HLA-DQA2: variants seen among roughly 807,000 people sequenced by gnomAD.
HLA-DQA2 encodes HLA class II histocompatibility antigen, DQ alpha 2 chain.
A neutral mutation model predicts 21.0 loss-of-function variants in HLA-DQA2; 17 were observed. The ratio of observed to expected loss-of-function variants is 0.81; its 90% CI spans 0.56 to 1.22. The LOEUF is 1.22. HLA-DQA2 is among the 50% of genes most tolerant of loss of function. The pLI, the probability that HLA-DQA2 is intolerant of heterozygous loss-of-function variation, is 0.00. For missense variants in HLA-DQA2, 239 were observed against 308.8 expected (o/e 0.77, Z 1.69); for synonymous variants, 81 against 116.5 (o/e 0.70, Z 1.96).
At chr6:32,744,958 A>T (rs1763460387) in intron 1 of HLA-DQA2, among the ~76,000 whole-genome samples, 1 of 151,900 alleles carries the variant, frequency 6.6e-6, no homozygotes, top group South Asian at 2.1e-4. Context: ...AGCATATGTT[A>T]TAGTGAGAAA....
chr6:32,746,798 C>A lies in HLA-DQA2; in HGVS notation c.*237C>A. 2.5e-6 allele frequency: 1 copy of A among 407,706 alleles called. No homozygotes were observed. The highest frequency in any genetic ancestry group is 4.8e-6 in the Non-Finnish European group (1 of 210,054). 25.3% of individuals were successfully genotyped at this position (407,706 alleles called of 1,614,324 possible). A position where few individuals can be genotyped will look rare whatever the true frequency, so the allele number is the denominator to read the frequency against. The stretch of plus-strand genomic sequence containing the variant: ...ATTTTTTTATTTTCTCAAATGTTAC[C>A]TACTAAGGGATGCCTGGGTAAGCCA... On this transcript the variant is annotated 3_prime_UTR_variant, in exon 5 of 5. Coordinates refer to ENST00000374940, the MANE Select transcript of HLA-DQA2 (RefSeq NM_020056.5).
intron 1 of HLA-DQA2, among the ~76,000 whole-genome samples, chr6:32,743,112 G>A (rs148257063): frequency 0.017 from 2,315 of 138,042 alleles, 44 homozygotes; most frequent in East Asian, 0.067. Flanking sequence ...TGATCCGCCC[G>A]TCTCAACCTC....
In HLA-DQA2 at chr6:32,746,966, T is replaced by G; in HGVS notation, c.*405T>G. The stretch of plus-strand genomic sequence containing the variant: ...TAACTTAGAATGGGCGACTCTTATG[T>G]TTTAGGCCAATTTCATATCATTCCC... On this transcript the variant is annotated 3_prime_UTR_variant, in exon 5 of 5. Coordinates refer to ENST00000374940, the MANE Select transcript of HLA-DQA2 (RefSeq NM_020056.5). 1 of 286,696 alleles carries G rather than the reference T, an allele frequency of 3.5e-6. No homozygotes were observed. 17.8% of individuals were successfully genotyped at this position (286,696 alleles called of 1,614,324 possible).
intron 1 of HLA-DQA2, 92 bp from the exon 2 acceptor site, chr6:32,745,067 A>G: frequency 7.0e-7 from 1 of 1,432,186 alleles, no homozygotes. Flanking sequence ...TGAAGCCCAT[A>G]ATATTTGAAA....
In HLA-DQA2 at chr6:32,745,779, T is replaced by C. The variant is rs1435172844; in HGVS notation, c.332-12T>C. Reference sequence around the variant, plus strand: ...ATTCACACTTCACATCAGTGCTGTTTCCTCACCACAGAGGTTCCTGAGGTC... The same window carrying C: ...ATTCACACTTCACATCAGTGCTGTTCCCTCACCACAGAGGTTCCTGAGGTC... On this transcript the variant is annotated splice_polypyrimidine_tract_variant and intron_variant, in intron 2 of 4. Coordinates refer to ENST00000374940, the MANE Select transcript of HLA-DQA2 (RefSeq NM_020056.5). 3 of 1,612,958 alleles carry C rather than the reference T, an allele frequency of 1.9e-6. No homozygotes were observed. Among genetic ancestry groups the C allele is most frequent in the African/African-American group, 1.3e-5 (1 of 74,932 alleles).
chr6:32,743,632 G>A (rs1223823931), intron 1 of HLA-DQA2, among the ~76,000 whole-genome samples: 1 of 152,096 alleles, frequency 6.6e-6, no homozygotes, highest in African/African-American at 2.4e-5. Context: ...TTAGCACCCA[G>A]GACAAGTACC....
chr6:32,746,815 G>A lies in HLA-DQA2; in HGVS notation c.*254G>A, dbSNP rs2071798. On this transcript the variant is annotated 3_prime_UTR_variant, in exon 5 of 5. Transcript: ENST00000374940. ...AATGTTACCTACTAAGGGATGCCTGGGTAAGCCACTCAGCTACCTAATTCC... is the reference window on the plus strand; with the variant it reads ...AATGTTACCTACTAAGGGATGCCTGAGTAAGCCACTCAGCTACCTAATTCC... The A allele has an allele frequency of 0.52, 194,134 of 371,282 alleles. 52,083 individuals are homozygous for A. The highest frequency in any genetic ancestry group is 0.79 in the East Asian group (11,143 of 14,042). The allele number at this position is 371,282 out of a possible 1,614,324, so 23.0% of individuals were successfully genotyped here. A position where few individuals can be genotyped will look rare whatever the true frequency, so the allele number is the denominator to read the frequency against.
chr6:32,743,194 T>C (rs1170078194), intron 1 of HLA-DQA2, among the ~76,000 whole-genome samples: 1 of 152,098 alleles, frequency 6.6e-6, no homozygotes, highest in Non-Finnish European at 1.5e-5. Flanking sequence ...GGATTGTATT[T>C]GTCTTTATAC....
At position 32,746,607 on chromosome 6, in the gene HLA-DQA2, A is replaced by G; in HGVS notation, c.*46A>G. 5 of 718,648 alleles carry G rather than the reference A, an allele frequency of 7.0e-6. 1 individual carries two copies. In the South Asian group the frequency reaches 7.4e-5, roughly 11 times the overall value. The allele number at this position is 718,648 out of a possible 1,614,324, so 44.5% of individuals were successfully genotyped here. On this transcript the variant is annotated 3_prime_UTR_variant, in exon 5 of 5. Transcript: ENST00000374940. ...GTGCATCACCATCTACAGGAGAAGAAGAATGGACTTGCTAAATGACCTAGC... is the reference window on the plus strand; with the variant it reads ...GTGCATCACCATCTACAGGAGAAGAGGAATGGACTTGCTAAATGACCTAGC...
Position 32,745,984 on chromosome 6 carries a change from T to G in HLA-DQA2, c.525T>G (p.Ser175Arg), listed in dbSNP as rs1431388331. 1 of 1,612,984 alleles carries G rather than the reference T, an allele frequency of 6.2e-7. No homozygotes were observed. The highest frequency in any genetic ancestry group is 8.5e-7 in the Non-Finnish European group (1 of 1,180,050). The part of the protein sequence containing the change: ...SKSDHSFFKI[S>R]YLTFLPSADE... ...GTGATCATTCCTTCTTCAAGATCAG[T>G]TACCTCACCTTCCTCCCTTCTGCTG... Residue 175 changes from serine to arginine, a missense_variant, in exon 3 of 5, where the codon AGT becomes AGG. Physicochemically the swap from Ser to Arg is moderately radical, Grantham distance 110 (BLOSUM62 -1). Coordinates refer to ENST00000374940, the MANE Select transcript of HLA-DQA2 (RefSeq NM_020056.5).
At chr6:32,744,160 C>A (rs1281370607) in intron 1 of HLA-DQA2, among the ~76,000 whole-genome samples, 1 of 152,138 alleles carries the variant, frequency 6.6e-6, no homozygotes, top group Non-Finnish European at 1.5e-5. Flanking sequence ...CTGTTTTAAG[C>A]AACCCCTGCT....
intron 1 of HLA-DQA2, among the ~76,000 whole-genome samples, chr6:32,742,698 T>C (rs9276411): frequency 0.58 from 84,756 of 145,942 alleles, 22,977 homozygotes; most frequent in East Asian, 0.78. Flanking sequence ...TGTTTCAAAT[T>C]TCCTTTCTTC....
intron 1 of HLA-DQA2, among the ~76,000 whole-genome samples, chr6:32,744,062 G>A (rs1408567369): frequency 6.6e-6 from 1 of 152,082 alleles, no homozygotes; most frequent in East Asian, 1.9e-4. Flanking sequence ...TAAGGCTGTC[G>A]ATATCCTCCT....
chr6:32,745,186 A>C lies in HLA-DQA2; in HGVS notation c.110A>C (p.Asn37Thr), dbSNP rs1343315131. The change falls in exon 2 of 5, where the codon AAC (asparagine) becomes ACC (threonine). Residue 37 changes from asparagine to threonine, a missense_variant. Coordinates refer to ENST00000374940, the MANE Select transcript of HLA-DQA2 (RefSeq NM_020056.5). ...VADHVASYGV[N>T]FYQSHGPSGQ... ...GACCATGTTGCCTCCTATGGTGTGA[A>C]CTTCTACCAGTCTCACGGTCCCTCT... 1.9e-6 allele frequency: 3 copies of C among 1,613,954 alleles called. No individual in the cohort carries two copies. The highest frequency in any genetic ancestry group is 2.5e-6 in the Non-Finnish European group (3 of 1,180,006).
At position 32,746,067 on chromosome 6, in the gene HLA-DQA2, A is replaced by T; in HGVS notation, c.608A>T (p.His203Leu). Residue 203 changes from histidine (H) to leucine (L), a missense_variant, in exon 3 of 5, where the codon CAC becomes CTC. Transcript: ENST00000374940. ...GGCCTGGACGAGCCTCTTCTGAAAC[A>T]CTGGGGTAAGGATGAGTTCCACCAC... ...HWGLDEPLLK[H>L]WEPEIPAPMS... 6.2e-7 allele frequency: 1 copy of T among 1,610,910 alleles called. No homozygotes were observed. Among genetic ancestry groups the T allele is most frequent in the Non-Finnish European group, 8.5e-7 (1 of 1,179,242 alleles).
Position 32,745,393 on chromosome 6 carries a change from C to T in HLA-DQA2, c.317C>T (p.Thr106Ile), listed in dbSNP as rs546688276. Reference sequence around the variant, plus strand: ...TTCATGATGAGACAGTCCAACTCTACCGCTGCCACCAATGGTACGTGTCCA... The same window carrying T: ...TTCATGATGAGACAGTCCAACTCTATCGCTGCCACCAATGGTACGTGTCCA... Reference protein sequence around the residue: ...LEFMMRQSNSTAATNEVPEVT... With the variant: ...LEFMMRQSNSIAATNEVPEVT... Residue 106 changes from threonine to isoleucine, a missense_variant, in exon 2 of 5, where the codon ACC becomes ATC. Transcript: ENST00000374940. The T allele has an allele frequency of 2.5e-5, 40 of 1,612,812 alleles. No individual in the cohort carries two copies. Among genetic ancestry groups the T allele is most frequent in the Admixed American group, 5.0e-5 (3 of 59,858 alleles).
intron 1 of HLA-DQA2, among the ~76,000 whole-genome samples, chr6:32,744,780 A>G (rs1034568263): frequency 1.3e-5 from 2 of 152,196 alleles, no homozygotes; most frequent in African/African-American, 4.8e-5. Context: ...GAGAAAACTT[A>G]GGAAGCAGAG....
rs201776159 is a variant in HLA-DQA2, at chr6:32,741,474, G to T, written c.31G>T (p.Ala11Ser). 2.5e-6 allele frequency: 4 copies of T among 1,611,044 alleles called. No individual in the cohort carries two copies. Among genetic ancestry groups the T allele is most frequent in the Non-Finnish European group, 3.4e-6 (4 of 1,178,696 alleles). The change falls in exon 1 of 5, where the codon GCC becomes TCC. Residue 11 changes from alanine (A) to serine (S), a missense_variant. Transcript: ENST00000374940. ...CCTAAACAAAGCTCTGCTGCTGGGG[G>T]CCCTCGCCCTGACTGCCGTGATGAG... Reference protein sequence around the residue: MILNKALLLGALALTAVMSPC... With the variant: MILNKALLLGSLALTAVMSPC...
intron 1 of HLA-DQA2, among the ~76,000 whole-genome samples, chr6:32,742,188 G>T (rs6919691): frequency 0.13 from 19,969 of 152,124 alleles, 1,558 homozygotes; most frequent in Non-Finnish European, 0.18. Context: ...GTAAAAACAT[G>T]AATGTCAACT....
Sources: gnomAD v4.1 joint callset for allele counts (sites outside exome capture counted in the v4.1 genomes callset) on GRCh38, gnomAD v4.1.1 for gene constraint, MANE v1.5 for transcripts, NCBI Gene and HGNC (gene_info 2026-07-23, HGNC 2026-07-21) for gene names.